Variants in HEG1 observed in about 807,000 individuals in gnomAD.
HEG1 encodes heart development protein with EGF like domains 1.
In HEG1, 56 loss-of-function variants were observed where a neutral mutation model predicts 125.6. That is an observed-to-expected ratio of 0.45 (90% CI 0.36 to 0.56). The LOEUF is 0.56. Among genes scored for constraint, HEG1 ranks in the 20% least tolerant of loss-of-function variants. The pLI, the probability that HEG1 is intolerant of heterozygous loss-of-function variation, is 0.00. For synonymous variants in HEG1, 644 were observed against 668.5 expected, an observed-to-expected ratio of 0.96 and a Z score of 0.57; for missense variants, 1,523 against 1,670.0, an observed-to-expected ratio of 0.91 and a Z score of 1.53.
intron 14 of HEG1, among the ~76,000 whole-genome samples, chr3:124,981,747 CA>C (rs1040178714): frequency 1.3e-5 from 2 of 152,162 alleles, no homozygotes; most frequent in African/African-American, 4.8e-5. Context: ...AGGAACTCAC[CA>C]AAATGTTTGC....
At chr3:124,990,765 T>C (rs771466050) in intron 14 of HEG1, 22 bp downstream of exon 14, 22 of 1,556,106 alleles carry the variant, frequency 1.4e-5, no homozygotes, top group Non-Finnish European at 1.6e-5. Flanking sequence ...CCACGCATAA[T>C]GGTCCACTTT....
At chr3:124,996,308 T>A (rs1219221232) in intron 12 of HEG1, among the ~76,000 whole-genome samples, 1 of 152,074 alleles carries the variant, frequency 6.6e-6, no homozygotes, top group African/African-American at 2.4e-5. Flanking sequence ...GGTCTCCAAC[T>A]CCCGATCTCA....
chr3:125,018,028 C>CA (rs1298385379), intron 5 of HEG1, among the ~76,000 whole-genome samples: 2,632 of 135,656 alleles, frequency 0.019, 72 homozygotes, highest in African/African-American at 0.065. Flanking sequence ...GACTCCATCT[C>CA]AAAAAAAAAA....
At chr3:125,002,671 C>A (rs1393463503) in intron 9 of HEG1, among the ~76,000 whole-genome samples, 3 of 152,174 alleles carry the variant, frequency 2.0e-5, no homozygotes, top group African/African-American at 7.2e-5. Flanking sequence ...GCATAGTGAA[C>A]GAGCTGCACT....
In HEG1 at chr3:125,005,353, G is replaced by C. The variant is rs1216353011; in HGVS notation, c.3209C>G (p.Thr1070Arg). Residue 1070 changes from threonine to arginine, a missense_variant, in exon 9 of 17, where the codon ACA (threonine) becomes AGA (arginine). Physicochemically the swap from Thr to Arg is moderately conservative, Grantham distance 71. Coordinates refer to ENST00000311127, the MANE Select transcript of HEG1 (RefSeq NM_020733.2). ...GICNLVRTFVTEFKLKRTFLN... is the reference protein window; with the variant it reads ...GICNLVRTFVREFKLKRTFLN... ...AAAAGTTCTCTTTAATTTAAACTCT[G>C]TCACGAAGGTTCTAACTGAAAATGA... 3.2e-6 allele frequency: 5 copies of C among 1,565,884 alleles called. No homozygotes were observed. In the African/African-American group the frequency reaches 4.1e-5, roughly 13 times the overall value.
intron 15 of HEG1, among the ~76,000 whole-genome samples, chr3:124,975,816 C>T (rs1007728996): frequency 6.6e-6 from 1 of 152,168 alleles, no homozygotes; most frequent in African/African-American, 2.4e-5. Flanking sequence ...TTTCACTTAG[C>T]GTATTTTCAG....
chr3:125,040,357 T>A (rs4679265), intron 1 of HEG1, among the ~76,000 whole-genome samples: 14,976 of 151,850 alleles, frequency 0.099, 1,701 homozygotes, highest in African/African-American at 0.28. Flanking sequence ...AGGACAAAAT[T>A]AAAGGTAGGA....
At chr3:124,974,423 G>T (rs1230223435) in intron 15 of HEG1, among the ~76,000 whole-genome samples, 2 of 152,158 alleles carry the variant, frequency 1.3e-5, no homozygotes, top group African/African-American at 4.8e-5. Context: ...GACCTGACTT[G>T]TCCTCTGGGT....
intron 4 of HEG1, among the ~76,000 whole-genome samples, chr3:125,020,201 AG>A (rs1937315203): frequency 6.6e-6 from 1 of 152,170 alleles, no homozygotes; most frequent in Non-Finnish European, 1.5e-5. Context: ...GCAAGGCAGG[AG>A]GATTGCTTAG....
rs558207076 is a variant in HEG1 at position 125,052,759 on chromosome 3, C to G, written c.316+2816G>C. On this transcript the variant is annotated intron_variant, in intron 1 of 16. Transcript: ENST00000311127. Reference sequence around the variant, plus strand: ...ATCAGCTGAACAGCCAGCAGGGTGACGGGTGGGTGCAAAAGCTTAACAATG... The same window carrying G: ...ATCAGCTGAACAGCCAGCAGGGTGAGGGGTGGGTGCAAAAGCTTAACAATG... Among the ~76,000 whole-genome samples, 66 of 152,260 alleles carry G rather than the reference C, an allele frequency of 4.3e-4. 2 individuals are homozygous for G. In the South Asian group the frequency reaches 0.013, roughly 30 times the overall value.
At chr3:125,034,802 GA>G (rs112084522) in intron 1 of HEG1, among the ~76,000 whole-genome samples, 2 of 146,980 alleles carry the variant, frequency 1.4e-5, no homozygotes, top group African/African-American at 2.5e-5. Flanking sequence ...CATCTCAAAA[GA>G]AAAAAAAATG....
intron 12 of HEG1, 100 bp from the exon 13 acceptor site, chr3:124,991,086 A>C: frequency 1.2e-6 from 1 of 847,268 alleles, no homozygotes; most frequent in South Asian, 1.6e-5. Context: ...AGATTATTCT[A>C]GTACCAGAAG....
intron 12 of HEG1, among the ~76,000 whole-genome samples, chr3:124,993,484 C>G (rs760769060): frequency 1.3e-5 from 2 of 152,112 alleles, no homozygotes; most frequent in Non-Finnish European, 2.9e-5. Context: ...CCTGCCTCTC[C>G]CATGTCTGGT....
At chr3:124,984,363 G>A (rs1484206868) in intron 14 of HEG1, among the ~76,000 whole-genome samples, 2 of 149,954 alleles carry the variant, frequency 1.3e-5, no homozygotes, top group African/African-American at 4.9e-5. Context: ...AAGAGACGTG[G>A]CAAATATGAA....
In HEG1 at chr3:125,020,864, C is replaced by T. The variant is rs1272077123; in HGVS notation, c.1180G>A (p.Glu394Lys). 5 of 1,613,910 alleles carry T rather than the reference C, an allele frequency of 3.1e-6. No homozygotes were observed. Among genetic ancestry groups the T allele is most frequent in the Admixed American group, 1.7e-5 (1 of 60,006 alleles). Reference protein sequence around the residue: ...NSRVTGNPGDEEFIEPSTENE... With the variant: ...NSRVTGNPGDKEFIEPSTENE... The stretch of plus-strand genomic sequence containing the variant: ...TCTGTGGATGGTTCAATGAATTCCT[C>T]ATCCCCTGGATTCCCAGTTACTCTA... The change falls in exon 4 of 17, where the codon GAG (glutamate) becomes AAG (lysine). Residue 394 changes from glutamate to lysine, a missense_variant. Coordinates refer to ENST00000311127, the MANE Select transcript of HEG1 (RefSeq NM_020733.2).
At position 125,029,372 on chromosome 3, in the gene HEG1, G is replaced by T; in HGVS notation, c.433C>A (p.Gln145Lys). The change falls in exon 2 of 17, where the codon CAG becomes AAG. Residue 145 changes from glutamine (Q) to lysine (K), a missense_variant. Transcript: ENST00000311127. The stretch of plus-strand genomic sequence containing the variant: ...GCAGCATGGCTCTTCCCAGAGGTCT[G>T]AACCATCACGCCCTCTTTGGAGGAC... ...TVSSKEGVMV[Q>K]TSGKSHAASD... 1.2e-6 allele frequency: 2 copies of T among 1,613,666 alleles called. No homozygotes were observed. The highest frequency in any genetic ancestry group is 1.7e-6 in the Non-Finnish European group (2 of 1,179,900).
intron 9 of HEG1, among the ~76,000 whole-genome samples, chr3:125,003,553 A>T (rs1316550468): frequency 6.6e-6 from 1 of 152,214 alleles, no homozygotes; most frequent in Non-Finnish European, 1.5e-5. Flanking sequence ...TGTGCTGTCT[A>T]ATAAAAACTT....
intron 5 of HEG1, among the ~76,000 whole-genome samples, 158 bp downstream of exon 5, chr3:125,019,104 A>G (rs897494429): frequency 1.3e-5 from 2 of 151,996 alleles, no homozygotes; most frequent in East Asian, 1.9e-4. Context: ...CTCACCTCAG[A>G]TGATCCACCC....
chr3:124,998,156 A>C (rs1262021685), intron 11 of HEG1, among the ~76,000 whole-genome samples: 1 of 152,110 alleles, frequency 6.6e-6, no homozygotes, highest in Non-Finnish European at 1.5e-5. Context: ...ACAGCCCTTA[A>C]TGGCCCCGTG....
Sources: gnomAD v4.1 joint callset for allele counts (sites outside exome capture counted in the v4.1 genomes callset) on GRCh38, gnomAD v4.1.1 for gene constraint, MANE v1.5 for transcripts, NCBI Gene and HGNC (gene_info 2026-07-23, HGNC 2026-07-21) for gene names.